Variants in CNTNAP5 observed in about 807,000 individuals in gnomAD.
CNTNAP5 encodes contactin-associated protein-like 5.
Under a neutral mutation model 150.2 loss-of-function variants are expected in CNTNAP5, and 72 were observed. The ratio of observed to expected loss-of-function variants is 0.48; its 90% CI spans 0.40 to 0.58. CNTNAP5 has a LOEUF of 0.58. CNTNAP5 is among the 20% of genes least tolerant of loss of function. The pLI, the probability that CNTNAP5 is intolerant of heterozygous loss-of-function variation, is 0.00. For missense variants in CNTNAP5, 1,636 were observed against 1,626.2 expected (o/e 1.01, Z -0.10); for synonymous variants, 672 against 619.8 (o/e 1.08, Z -1.25).
At chr2:124,792,598 CA>C (rs1284813594) in intron 18 of CNTNAP5, among the ~76,000 whole-genome samples, 1 of 152,124 alleles carries the variant, frequency 6.6e-6, no homozygotes, top group African/African-American at 2.4e-5. Flanking sequence ...GATATTCACA[CA>C]GTTGTATAAC....
intron 19 of CNTNAP5, among the ~76,000 whole-genome samples, chr2:124,861,341 G>T (rs1461995754): frequency 2.0e-5 from 3 of 152,058 alleles, no homozygotes; most frequent in African/African-American, 7.2e-5. Context: ...GGGAGGCTGA[G>T]ACGGGTGGAT....
At chr2:124,661,012 G>T (rs1384518621) in intron 13 of CNTNAP5, among the ~76,000 whole-genome samples, 2 of 151,564 alleles carry the variant, frequency 1.3e-5, no homozygotes, top group Admixed American at 1.3e-4. Context: ...CATGAACAGA[G>T]CTTTCAGGAC....
Position 124,756,878 on chromosome 2 carries a change from A to T in CNTNAP5, c.2235-6794A>T, listed in dbSNP as rs11123066. On this transcript the variant is annotated intron_variant, in intron 14 of 23. Coordinates refer to ENST00000682447, the MANE Select transcript of CNTNAP5 (RefSeq NM_001367498.1). ...CAGCAAACCACCATGGCACATGTTT[A>T]CCTATGTAATAAACTTGCACATCTT... 1.9e-4 allele frequency among the ~76,000 whole-genome samples: 29 copies of T among 152,122 alleles called. 2 individuals carry two copies. Among genetic ancestry groups the T allele is most frequent in the South Asian group, 1.5e-3 (7 of 4,814 alleles).
At chr2:124,214,097 A>G (rs79752987) in intron 1 of CNTNAP5, among the ~76,000 whole-genome samples, 7 of 152,196 alleles carry the variant, frequency 4.6e-5, no homozygotes, top group African/African-American at 1.4e-4. Flanking sequence ...GTCCTCATCC[A>G]TGGAATAAGG....
intron 3 of CNTNAP5, among the ~76,000 whole-genome samples, chr2:124,408,032 T>TGC (rs1691625048): frequency 6.6e-6 from 1 of 152,176 alleles, no homozygotes; most frequent in African/African-American, 2.4e-5. Flanking sequence ...GCGCGCACCG[T>TGC]ACGCCAGCCG....
Position 124,876,675 on chromosome 2 carries a change from A to G in CNTNAP5, c.3436+6913A>G, listed in dbSNP as rs541238568. Among the ~76,000 whole-genome samples the G allele has an allele frequency of 9.9e-5, 15 of 152,184 alleles. No individual in the cohort carries two copies. In the East Asian group the frequency reaches 1.4e-3, roughly 14 times the overall value. ...CTCCTCTAAAAGATTATTTCATTTTAAATGCATAGGCTTCTCAAATTATAT... is the reference window on the plus strand; with the variant it reads ...CTCCTCTAAAAGATTATTTCATTTTGAATGCATAGGCTTCTCAAATTATAT... On this transcript the variant is annotated intron_variant, in intron 21 of 23. Coordinates refer to ENST00000682447, the MANE Select transcript of CNTNAP5 (RefSeq NM_001367498.1).
At chr2:124,822,244 G>A (rs923476572) in intron 19 of CNTNAP5, among the ~76,000 whole-genome samples, 44 of 152,038 alleles carry the variant, frequency 2.9e-4, no homozygotes, top group Admixed American at 2.9e-3. Context: ...CTCTTGGAAG[G>A]GGGTTGGTGT....
chr2:124,530,309 A>G (rs1361936195), intron 10 of CNTNAP5, among the ~76,000 whole-genome samples: 1 of 152,118 alleles, frequency 6.6e-6, no homozygotes. Flanking sequence ...GACTCCGTCT[A>G]AAAATAAATA....
chr2:124,560,858 C>A (rs1284827676), intron 10 of CNTNAP5, among the ~76,000 whole-genome samples: 1 of 151,992 alleles, frequency 6.6e-6, no homozygotes, highest in Non-Finnish European at 1.5e-5. Context: ...TCACTGCAGA[C>A]AAATTTTCTT....
intron 22 of CNTNAP5, among the ~76,000 whole-genome samples, chr2:124,909,940 G>T: frequency 6.7e-6 from 1 of 148,798 alleles, no homozygotes; most frequent in African/African-American, 2.5e-5. Context: ...CCAACTCCAA[G>T]TTTTTTCCAC....
At chr2:124,668,373 T>G (rs1678743457) in intron 13 of CNTNAP5, among the ~76,000 whole-genome samples, 3 of 152,156 alleles carry the variant, frequency 2.0e-5, no homozygotes, top group Admixed American at 2.0e-4. Context: ...GGACCAGCTG[T>G]TTAGCATGAC....
At chr2:124,724,235 T>G (rs1170547238) in intron 13 of CNTNAP5, among the ~76,000 whole-genome samples, 3 of 152,062 alleles carry the variant, frequency 2.0e-5, no homozygotes, top group Non-Finnish European at 2.9e-5. Context: ...ATGTTGGCAC[T>G]TCAACATTTT....
chr2:124,609,554 G>A (rs527959639), intron 11 of CNTNAP5, among the ~76,000 whole-genome samples: 64 of 152,182 alleles, frequency 4.2e-4, no homozygotes, highest in South Asian at 1.0e-3. Context: ...AGCCGTGATC[G>A]TGCTACTGCA....
intron 11 of CNTNAP5, among the ~76,000 whole-genome samples, chr2:124,589,255 A>G (rs1438441548): frequency 2.6e-5 from 4 of 151,930 alleles, no homozygotes; most frequent in Non-Finnish European, 5.9e-5. Context: ...AGGCTTGTCT[A>G]ATTTGGACAT....
At chr2:124,698,104 A>G (rs1242331674) in intron 13 of CNTNAP5, among the ~76,000 whole-genome samples, 1 of 152,074 alleles carries the variant, frequency 6.6e-6, no homozygotes, top group Admixed American at 6.6e-5. Context: ...ATAATACAGA[A>G]AGATTATAAA....
chr2:124,699,791 CT>C (rs1679481057), intron 13 of CNTNAP5, among the ~76,000 whole-genome samples: 2 of 149,894 alleles, frequency 1.3e-5, no homozygotes, highest in African/African-American at 4.9e-5. Flanking sequence ...TCCTTTCTTT[CT>C]TTTCTTTCTT....
At chr2:124,479,075 C>T (rs1393109628) in intron 7 of CNTNAP5, among the ~76,000 whole-genome samples, 6 of 152,010 alleles carry the variant, frequency 3.9e-5, no homozygotes, top group East Asian at 1.9e-4. Context: ...CTCCACATCC[C>T]GAAATGCAGT....
Position 124,821,359 on chromosome 2 carries a change from C to A in CNTNAP5, c.3217+23039C>A, listed in dbSNP as rs149459321. 1.9e-3 allele frequency among the ~76,000 whole-genome samples: 291 copies of A among 152,304 alleles called. 1 individual carries two copies. The highest frequency in any genetic ancestry group is 6.4e-3 in the African/African-American group (268 of 41,572). Reference sequence around the variant, plus strand: ...TGCATTTTCTTTTACACTAAGGTAGCACTGCTCAAACGGCAGCAGGCACCA... The same window carrying A: ...TGCATTTTCTTTTACACTAAGGTAGAACTGCTCAAACGGCAGCAGGCACCA... On this transcript the variant is annotated intron_variant, in intron 19 of 23. Transcript: ENST00000682447.
intron 18 of CNTNAP5, among the ~76,000 whole-genome samples, chr2:124,797,330 TA>T (rs1045084614): frequency 3.9e-5 from 6 of 152,210 alleles, no homozygotes; most frequent in African/African-American, 1.4e-4. Context: ...CATATCCCAC[TA>T]AATGAATTTT....
Sources: gnomAD v4.1 joint callset for allele counts (sites outside exome capture counted in the v4.1 genomes callset) on GRCh38, gnomAD v4.1.1 for gene constraint, MANE v1.5 for transcripts, NCBI Gene and HGNC (gene_info 2026-07-23, HGNC 2026-07-21) for gene names.